MRPL22: variants seen among roughly 807,000 people sequenced by gnomAD.
MRPL22 encodes mitochondrial ribosomal protein L22.
A neutral mutation model predicts 32.4 loss-of-function variants in MRPL22; 27 were observed. The ratio of observed to expected loss-of-function variants is 0.83; its 90% CI spans 0.61 to 1.15. The LOEUF (loss-of-function observed/expected upper bound fraction) is 1.15. MRPL22 is among the 50% of genes most tolerant of loss of function. The probability of loss-of-function intolerance (pLI) is 0.00; values close to 1 mark genes in which losing one functional copy is unlikely to be tolerated. For missense variants in MRPL22, 239 were observed against 260.2 expected (o/e 0.92, Z 0.56); for synonymous variants, 86 against 87.3 (o/e 0.99, Z 0.08).
chr5:154,952,736 G>T (rs900807407), intron 3 of MRPL22, among the ~76,000 whole-genome samples: 1 of 152,066 alleles, frequency 6.6e-6, no homozygotes, highest in Non-Finnish European at 1.5e-5. Context: ...ATAATACTGC[G>T]CTATAATATA....
intron 2 of MRPL22, among the ~76,000 whole-genome samples, chr5:154,942,160 G>C (rs1472746074): frequency 6.6e-6 from 1 of 152,036 alleles, no homozygotes; most frequent in East Asian, 1.9e-4. Flanking sequence ...TGCCCATGCT[G>C]GTCTCAAACT....
intron 3 of MRPL22, among the ~76,000 whole-genome samples, chr5:154,952,215 A>G (rs1195495251): frequency 3.3e-5 from 5 of 152,176 alleles, no homozygotes; most frequent in Non-Finnish European, 5.9e-5. Flanking sequence ...AAATTACAAC[A>G]GTATTTGTCA....
chr5:154,966,584 T>G, intron 6 of MRPL22, 102 bp from the exon 7 acceptor site: 1 of 1,232,260 alleles, frequency 8.1e-7, no homozygotes, highest in Non-Finnish European at 1.2e-6. Context: ...AGTGAGCCCA[T>G]GTAATCTCAG....
chr5:154,954,436 A>G (rs1456959604), intron 3 of MRPL22, among the ~76,000 whole-genome samples: 3 of 152,246 alleles, frequency 2.0e-5, no homozygotes, highest in South Asian at 2.1e-4. Context: ...TACGTATCCT[A>G]TCCTCACTTT....
intron 3 of MRPL22, 179 bp from the exon 4 acceptor site, chr5:154,956,192 A>C: frequency 1.7e-6 from 1 of 574,926 alleles, no homozygotes; most frequent in South Asian, 2.2e-5. Context: ...AGACTTTGGA[A>C]AAATACAACT....
chr5:154,953,409 T>A (rs1358785174), intron 3 of MRPL22, among the ~76,000 whole-genome samples: 12 of 135,108 alleles, frequency 8.9e-5, no homozygotes, highest in Non-Finnish European at 1.5e-4. Context: ...CAGAGAGAAA[T>A]TAAATGGCTT....
chr5:154,960,608 T>G (rs2113544481), intron 6 of MRPL22, among the ~76,000 whole-genome samples: 1 of 152,354 alleles, frequency 6.6e-6, no homozygotes, highest in African/African-American at 2.4e-5. Flanking sequence ...TAGCTCTGCT[T>G]TTACATGCTT....
Position 154,950,862 on chromosome 5 carries a change from A to T in MRPL22, c.119A>T (p.Asp40Val). Residue 40 changes from aspartate to valine, a missense_variant, in exon 3 of 7, where the codon GAC (aspartate) becomes GTC (valine). Physicochemically the swap from Asp to Val is radical, Grantham distance 152. Coordinates refer to ENST00000523037, the MANE Select transcript of MRPL22 (RefSeq NM_014180.4). Reference sequence around the variant, plus strand: ...TATATCCACACAAGTGCTTCTCTTGACATTTCTCGAAAATGGGAGAAGAAG... The same window carrying T: ...TATATCCACACAAGTGCTTCTCTTGTCATTTCTCGAAAATGGGAGAAGAAG... ...QSYIHTSASL[D>V]ISRKWEKKNK... 6.2e-7 allele frequency: 1 copy of T among 1,613,682 alleles called. No individual in the cohort carries two copies. Among genetic ancestry groups the T allele is most frequent in the Non-Finnish European group, 8.5e-7 (1 of 1,179,656 alleles).
At position 154,967,187 on chromosome 5, in the gene MRPL22, G is replaced by C. The variant is rs1192971280; in HGVS notation, c.*290G>C. The C allele has an allele frequency of 2.7e-6, 1 of 366,516 alleles. No individual in the cohort carries two copies. Among genetic ancestry groups the C allele is most frequent in the Non-Finnish European group, 5.0e-6 (1 of 199,766 alleles). 22.7% of individuals were successfully genotyped at this position (366,516 alleles called of 1,614,324 possible). A position where few individuals can be genotyped will look rare whatever the true frequency, so the allele number is the denominator to read the frequency against. The stretch of plus-strand genomic sequence containing the variant: ...AAAGGGAATGTTAACTTTCCAACTA[G>C]TGTCCTGCAGGTGGCTGTTTTGATA... On this transcript the variant is annotated 3_prime_UTR_variant, in exon 7 of 7. Coordinates refer to ENST00000523037, the MANE Select transcript of MRPL22 (RefSeq NM_014180.4). The surrounding 1 kb of genome is among the most constrained non-coding windows in gnomAD (Gnocchi z 4.7).
Position 154,958,902 on chromosome 5 carries a change from G to A in MRPL22, c.340-1078G>A, listed in dbSNP as rs182127207. 115 of 152,088 alleles carry A rather than the reference G, an allele frequency of 7.6e-4. 1 individual carries two copies. Among genetic ancestry groups the A allele is most frequent in the African/African-American group, 2.6e-3 (108 of 41,468 alleles). The allele number at this position is 152,088 out of a possible 1,614,324, so 9.4% of individuals were successfully genotyped here. A position where few individuals can be genotyped will look rare whatever the true frequency, so the allele number is the denominator to read the frequency against. ...GAGGAAGTTAATTCAAAATATCTAT[G>A]GAGAGTAAATTTGATAATTAACCTC... On this transcript the variant is annotated intron_variant, in intron 5 of 6. Transcript: ENST00000523037.
chr5:154,959,922 T>G, intron 5 of MRPL22, 58 bp from the exon 6 acceptor site: 3 of 1,249,870 alleles, frequency 2.4e-6, no homozygotes, highest in Non-Finnish European at 3.5e-6. Context: ...GATGAGAAAC[T>G]TAATTCCATT....
At chr5:154,965,130 G>A (rs921140599) in intron 6 of MRPL22, among the ~76,000 whole-genome samples, 3 of 152,024 alleles carry the variant, frequency 2.0e-5, no homozygotes, top group African/African-American at 7.2e-5. Flanking sequence ...TTTCTCTTTG[G>A]CAAAGCTAGG....
At chr5:154,947,552 C>T (rs1230418886) in intron 2 of MRPL22, among the ~76,000 whole-genome samples, 1 of 152,110 alleles carries the variant, frequency 6.6e-6, no homozygotes. Flanking sequence ...TTTTGTTTGC[C>T]AAGTAAATCA....
intron 5 of MRPL22, among the ~76,000 whole-genome samples, chr5:154,958,604 G>C (rs1027950176): frequency 2.0e-5 from 3 of 147,882 alleles, no homozygotes; most frequent in Non-Finnish European, 4.5e-5. Context: ...GAGTACAGTG[G>C]CGCCATCTCC....
At chr5:154,960,116 C>T in intron 6 of MRPL22, 67 bp downstream of exon 6, 1 of 1,165,670 alleles carries the variant, frequency 8.6e-7, no homozygotes, top group Non-Finnish European at 1.3e-6. Context: ...TTTTATCTAA[C>T]AACAGTCTTT....
intron 2 of MRPL22, among the ~76,000 whole-genome samples, chr5:154,943,587 T>C (rs1001977743): frequency 6.6e-6 from 1 of 151,696 alleles, no homozygotes; most frequent in Non-Finnish European, 1.5e-5. Context: ...TATACACACA[T>C]ATATGCACAT....
chr5:154,957,095 A>T (rs1394810925), intron 4 of MRPL22, 40 bp from the exon 5 acceptor site: 1 of 1,532,948 alleles, frequency 6.5e-7, no homozygotes, highest in Admixed American at 1.8e-5. Flanking sequence ...GACTTTGTAA[A>T]CTAATTTATT....
At chr5:154,960,155 TCAGTGAAAA>T (rs1764683761) in intron 6 of MRPL22, 106 bp downstream of exon 6, 2 of 780,324 alleles carry the variant, frequency 2.6e-6, no homozygotes, top group Non-Finnish European at 4.1e-6. Flanking sequence ...ACTTGGTTTG[TCAGTGAAAA>T]TTGCTAGTAA....
chr5:154,951,222 A>C (rs559758024), intron 3 of MRPL22, among the ~76,000 whole-genome samples: 1 of 152,330 alleles, frequency 6.6e-6, no homozygotes, highest in African/African-American at 2.4e-5. Flanking sequence ...TGAGCTCTTA[A>C]TGATGGAGCA....
Sources: allele counts gnomAD v4.1 joint callset (sites outside exome capture counted in the v4.1 genomes callset), GRCh38; gene constraint gnomAD v4.1.1; non-coding constraint Gnocchi (gnomAD v3.1); transcripts MANE v1.5; gene names NCBI Gene and HGNC (gene_info 2026-07-23, HGNC 2026-07-21).